The following C2CD3 variants were observed in gnomAD, a reference collection of about 807,000 sequenced individuals.
C2CD3 encodes the protein C2 domain-containing protein 3.
Under a neutral mutation model 234.0 loss-of-function variants are expected in C2CD3, and 148 were observed. The observed-to-expected ratio is 0.63, with a 90% CI of 0.55 to 0.72. C2CD3 has a LOEUF of 0.72. Among genes scored for constraint, C2CD3 ranks in the 30% least tolerant of loss-of-function variants. The pLI is 0.00. For missense variants in C2CD3, 2,577 were observed against 2,811.5 expected, an observed-to-expected ratio of 0.92 and a Z score of 1.89; for synonymous variants, 1,000 against 1,035.4, an observed-to-expected ratio of 0.97 and a Z score of 0.66.
In C2CD3 at chr11:74,019,829, T is replaced by C. The variant is rs139892471; in HGVS notation, c.6922-6304A>G. 5.9e-5 allele frequency among the ~76,000 whole-genome samples: 9 copies of C among 152,226 alleles called. No homozygotes were observed. The East Asian group carries it at 1.5e-3, about 26-fold the overall frequency. ...GTAGCTGGGATTAGAGGTGCCAGGA[T>C]AGAAAAATTCTATCCCTTGGTTTAG... On this transcript the variant is annotated intron_variant, in intron 32 of 32. Coordinates refer to ENST00000334126, the MANE Select transcript of C2CD3 (RefSeq NM_001286577.2).
At chr11:74,115,545 C>A (rs1286976918) in intron 9 of C2CD3, among the ~76,000 whole-genome samples, 2 of 152,122 alleles carry the variant, frequency 1.3e-5, no homozygotes, top group East Asian at 1.9e-4. Flanking sequence ...AACGACCATA[C>A]TGCCAAAAGC....
chr11:74,040,364 T>C (rs1565218541), intron 29 of C2CD3, among the ~76,000 whole-genome samples: 1 of 152,170 alleles, frequency 6.6e-6, no homozygotes, highest in South Asian at 2.1e-4. Flanking sequence ...TGCTGGTCTA[T>C]AGCACTATTG....
chr11:74,117,361 A>AATATATATATATATATGTATATATATAT (rs1957057145), intron 9 of C2CD3, among the ~76,000 whole-genome samples: 1 of 94,854 alleles, frequency 1.1e-5, no homozygotes, highest in Non-Finnish European at 2.1e-5. Flanking sequence ...TTTGGCCTCA[A>AATATATATATATATATGTATATATATAT]ATATATATAT....
At chr11:74,068,748 A>G (rs1954656927) in intron 24 of C2CD3, among the ~76,000 whole-genome samples, 1 of 152,188 alleles carries the variant, frequency 6.6e-6, no homozygotes, top group Admixed American at 6.5e-5. Context: ...CTAGATATAT[A>G]TCAACCTTGC....
intron 15 of C2CD3, among the ~76,000 whole-genome samples, chr11:74,099,515 A>G (rs900004302): frequency 2.0e-5 from 3 of 152,252 alleles, no homozygotes; most frequent in Non-Finnish European, 4.4e-5. Flanking sequence ...AAAACACAAC[A>G]TTTAAAACAC....
intron 4 of C2CD3, 123 bp downstream of exon 4, chr11:74,139,482 T>C: frequency 1.3e-6 from 1 of 780,086 alleles, no homozygotes; most frequent in Non-Finnish European, 2.2e-6. Flanking sequence ...CACAGTTATC[T>C]GCTAAATGAG....
intron 12 of C2CD3, chr11:74,108,278 A>G (rs1184486283): frequency 6.6e-6 from 1 of 152,110 alleles, no homozygotes; most frequent in Non-Finnish European, 1.5e-5. Context: ...CTTTCCCACC[A>G]TTCCTATTTT....
intron 32 of C2CD3, among the ~76,000 whole-genome samples, chr11:74,024,442 T>C (rs1405958493): frequency 6.6e-6 from 1 of 152,182 alleles, no homozygotes; most frequent in Non-Finnish European, 1.5e-5. Context: ...GAAATCAGGA[T>C]GTGAAGAAGA....
intron 32 of C2CD3, among the ~76,000 whole-genome samples, chr11:74,024,757 A>G (rs1952221947): frequency 6.6e-6 from 1 of 152,320 alleles, no homozygotes; most frequent in South Asian, 2.1e-4. Context: ...TAGGCCATCC[A>G]GTGCTGGCTG....
intron 32 of C2CD3, among the ~76,000 whole-genome samples, chr11:74,027,224 A>T (rs1055344635): frequency 1.3e-5 from 2 of 152,068 alleles, no homozygotes; most frequent in African/African-American, 2.4e-5. Flanking sequence ...TTTGTGACTC[A>T]GCCTCCCAAG....
chr11:74,133,505 C>T lies in C2CD3; in HGVS notation c.1008G>A (p.Met336Ile). The T allele has an allele frequency of 6.2e-7, 1 of 1,614,024 alleles. No homozygotes were observed. Among genetic ancestry groups the T allele is most frequent in the African/African-American group, 1.3e-5 (1 of 75,046 alleles). Reference sequence around the variant, plus strand: ...ACATGCTGGTCTCTGGGCTTGATTTCATTGCAGAAATCACCATGGCATTAC... The same window carrying T: ...ACATGCTGGTCTCTGGGCTTGATTTTATTGCAGAAATCACCATGGCATTAC... The part of the protein sequence containing the change: ...KLRNAMVISA[M>I]KSSPETSMLL... Residue 336 changes from methionine to isoleucine, a missense_variant, in exon 6 of 33, where the codon ATG (methionine) becomes ATA (isoleucine). Transcript: ENST00000334126.
In C2CD3 at chr11:74,037,662, G is replaced by A. The variant is rs1952807577; in HGVS notation, c.5697C>T (p.Tyr1899=). ...AAGGCTTGGTGAGCTTCTGGCGGAA[G>A]TACCTCTGAATCTGATCAAGCTCAC... The part of the protein sequence containing the change: ...NLSELDQIQR[Y]FRQKLTKPFL... Residue 1899 remains tyrosine, a synonymous_variant, in exon 30 of 33, where the codon TAC becomes TAT. Transcript: ENST00000334126. 4 of 1,614,066 alleles carry A rather than the reference G, an allele frequency of 2.5e-6. No individual in the cohort carries two copies. The highest frequency in any genetic ancestry group is 2.5e-6 in the Non-Finnish European group (3 of 1,179,978).
At chr11:74,111,967 C>T (rs397832785) in intron 11 of C2CD3, among the ~76,000 whole-genome samples, 1 of 86,752 alleles carries the variant, frequency 1.2e-5, no homozygotes, top group South Asian at 4.2e-4. Flanking sequence ...CACACACACA[C>T]ACATATATAT....
At chr11:74,104,895 C>A (rs1021759822) in intron 13 of C2CD3, among the ~76,000 whole-genome samples, 2 of 152,102 alleles carry the variant, frequency 1.3e-5, no homozygotes, top group African/African-American at 4.8e-5. Flanking sequence ...TATTTATAAC[C>A]CCTTTCTGAT....
At chr11:74,150,673 T>A (rs1047839111) in intron 3 of C2CD3, among the ~76,000 whole-genome samples, 2 of 152,000 alleles carry the variant, frequency 1.3e-5, no homozygotes, top group Admixed American at 1.3e-4. Flanking sequence ...GCTTTGTTAC[T>A]GGATTATTGT....
At chr11:74,118,904 T>TA (rs1957118750) in intron 8 of C2CD3, among the ~76,000 whole-genome samples, 1 of 136,802 alleles carries the variant, frequency 7.3e-6, no homozygotes, top group African/African-American at 3.0e-5. Flanking sequence ...CTGGATAGAC[T>TA]ATTTTTTTTT....
intron 29 of C2CD3, among the ~76,000 whole-genome samples, chr11:74,038,363 T>A (rs1591305867): frequency 6.6e-6 from 1 of 152,218 alleles, no homozygotes; most frequent in East Asian, 1.9e-4. Context: ...CATTCTCCAA[T>A]AAGAAATCAC....
chr11:74,139,616 T>A lies in C2CD3; in HGVS notation c.696A>T (p.Ser232=). 1 of 1,611,938 alleles carries A rather than the reference T, an allele frequency of 6.2e-7. No homozygotes were observed. The highest frequency in any genetic ancestry group is 8.5e-7 in the Non-Finnish European group (1 of 1,178,018). ...GKELAANSSR[S]TTPRGKDHVC... ...GGTATGGTAATTACCTCGGAGTGGT[T>A]GATCTACTGCTGTTGGCTGCTAACT... The change falls in exon 4 of 33, where the codon TCA becomes TCT. Residue 232 remains serine (S), a synonymous_variant. Transcript: ENST00000334126.
chr11:74,115,865 A>G (rs1048196745), intron 9 of C2CD3, among the ~76,000 whole-genome samples: 1 of 152,190 alleles, frequency 6.6e-6, no homozygotes, highest in African/African-American at 2.4e-5. Flanking sequence ...ACAAAAACAT[A>G]AAGTGGTGAA....
Sources: gnomAD v4.1 joint callset for allele counts (sites outside exome capture counted in the v4.1 genomes callset) on GRCh38, gnomAD v4.1.1 for gene constraint, MANE v1.5 for transcripts, NCBI Gene and HGNC (gene_info 2026-07-23, HGNC 2026-07-21) for gene names.